The following NPIPB2 variants were observed in gnomAD, a reference collection of about 807,000 sequenced individuals.
The protein encoded by NPIPB2 is nuclear pore complex interacting protein family member B2, also known as nuclear pore complex-interacting protein family member B2.
In NPIPB2, 27 loss-of-function variants were observed where a neutral mutation model predicts 30.8. That is an observed-to-expected ratio of 0.88 (90% CI 0.65 to 1.21). The LOEUF is 1.21. Ranked by LOEUF, NPIPB2 falls within the 50% of genes most tolerant of loss-of-function variation. NPIPB2 has a pLI of 0.00. For synonymous variants in NPIPB2, 147 were observed against 162.0 expected, an observed-to-expected ratio of 0.91 and a Z score of 0.70; for missense variants, 440 against 446.2, an observed-to-expected ratio of 0.99 and a Z score of 0.13.
At chr16:11,939,297 C>T (rs897443062) in intron 1 of NPIPB2, among the ~76,000 whole-genome samples, 12 of 151,880 alleles carry the variant, frequency 7.9e-5, no homozygotes, top group African/African-American at 1.4e-4. Flanking sequence ...CGTGGTGGCT[C>T]ACGCCTGCAA....
chr16:11,946,825 G>A (rs1261489162), upstream of NPIPB2, among the ~76,000 whole-genome samples: 2 of 151,886 alleles, frequency 1.3e-5, no homozygotes, highest in Non-Finnish European at 2.9e-5. Flanking sequence ...TTTACACAAA[G>A]TAACATAAAC....
chr16:11,967,440 T>G, intron 1 of NPIPB2: 1 of 930,226 alleles, frequency 1.1e-6, no homozygotes, highest in Non-Finnish European at 1.6e-6. Flanking sequence ...GGCAACACAG[T>G]AAGACCCCAC....
intron 1 of NPIPB2, among the ~76,000 whole-genome samples, chr16:11,970,770 G>A (rs1351593383): frequency 2.6e-5 from 4 of 151,744 alleles, no homozygotes; most frequent in African/African-American, 4.8e-5. Context: ...TCCTGACCTC[G>A]TGATCTACCT....
At position 11,967,864 on chromosome 16, in the gene NPIPB2, G is replaced by C. The variant is rs376885863; in HGVS notation, c.-584+8704C>G. ...GCTAGGTAATTAACCATTTCGACTCGAGCAGTGCCACTTTAAAAATCTTTT... is the reference window on the plus strand; with the variant it reads ...GCTAGGTAATTAACCATTTCGACTCCAGCAGTGCCACTTTAAAAATCTTTT... On this transcript the variant is annotated intron_variant, in intron 1 of 5. Coordinates refer to the NPIPB2 transcript ENST00000538896. The C allele has an allele frequency of 2.6e-5, 42 of 1,606,814 alleles. No homozygotes were observed. In the Admixed American group the frequency reaches 6.6e-4, roughly 25 times the overall value.
intron 1 of NPIPB2, among the ~76,000 whole-genome samples, chr16:11,953,981 T>A (rs939738690): frequency 1.1e-4 from 17 of 151,950 alleles, no homozygotes; most frequent in African/African-American, 3.6e-4. Context: ...CAGCCTCATA[T>A]CATCTTTTTT....
intron 1 of NPIPB2, chr16:11,967,461 T>C (rs1466634821): frequency 2.5e-6 from 3 of 1,208,756 alleles, no homozygotes; most frequent in African/African-American, 3.0e-5. Flanking sequence ...CTCTAAAAAA[T>C]GAAAAAATCT....
chr16:11,951,706 G>C (rs142919579), intron 1 of NPIPB2, among the ~76,000 whole-genome samples: 1 of 150,024 alleles, frequency 6.7e-6, no homozygotes, highest in Non-Finnish European at 1.5e-5. Flanking sequence ...ATGTCAAAGG[G>C]AAAAGGTTTT....
chr16:11,944,082 A>T (rs1049155220), upstream of NPIPB2, among the ~76,000 whole-genome samples: 1 of 151,842 alleles, frequency 6.6e-6, no homozygotes, highest in South Asian at 2.1e-4. Context: ...TACTCGGTAC[A>T]TTACCACAAA....
At chr16:11,968,820 T>C (rs1275723848) in intron 1 of NPIPB2, 1 of 151,718 alleles carries the variant, frequency 6.6e-6, no homozygotes. Flanking sequence ...CTTGACTTAC[T>C]GAAAAAAACA....
At chr16:11,973,767 A>G (rs2055250445) in intron 1 of NPIPB2, among the ~76,000 whole-genome samples, 1 of 152,022 alleles carries the variant, frequency 6.6e-6, no homozygotes, top group South Asian at 2.1e-4. Flanking sequence ...AAGTGCTGGG[A>G]TTACAGGTGT....
intron 1 of NPIPB2, among the ~76,000 whole-genome samples, chr16:11,947,050 A>ATATATATG (rs2055017882): frequency 7.2e-6 from 1 of 139,076 alleles, no homozygotes; most frequent in Admixed American, 7.2e-5. Flanking sequence ...TTATATATAT[A>ATATATATG]TATATATATG....
intron 1 of NPIPB2, among the ~76,000 whole-genome samples, chr16:11,951,919 G>A (rs986251965): frequency 6.6e-6 from 1 of 152,004 alleles, no homozygotes; most frequent in Non-Finnish European, 1.5e-5. Flanking sequence ...CAGCACTTTG[G>A]GAGGCCGAGG....
At chr16:11,969,749 C>A (rs557691301) in intron 1 of NPIPB2, among the ~76,000 whole-genome samples, 1 of 152,114 alleles carries the variant, frequency 6.6e-6, no homozygotes, top group African/African-American at 2.4e-5. Context: ...TAACGGTGCA[C>A]GACATACTGT....
intron 1 of NPIPB2, among the ~76,000 whole-genome samples, chr16:11,975,398 C>T (rs1050926830): frequency 2.1e-4 from 31 of 151,202 alleles, no homozygotes; most frequent in Non-Finnish European, 2.2e-4. Context: ...CCGCCCGCCT[C>T]GGCCTCCCAA....
At chr16:11,934,069 A>G (rs1379116920) in intron 2 of NPIPB2, 145 bp from the exon 3 acceptor site, 3 of 667,770 alleles carry the variant, frequency 4.5e-6, no homozygotes, top group Non-Finnish European at 7.8e-6. Context: ...CGTCTCTACT[A>G]AAAATACAAA....
upstream of NPIPB2, among the ~76,000 whole-genome samples, chr16:11,946,136 A>G (rs1243759908): frequency 6.6e-6 from 1 of 152,114 alleles, no homozygotes; most frequent in Non-Finnish European, 1.5e-5. Flanking sequence ...CTGTAATCCC[A>G]GCACTTTGGG....
At chr16:11,966,082 G>C in intron 1 of NPIPB2, 1 of 1,160,248 alleles carries the variant, frequency 8.6e-7, no homozygotes, top group Non-Finnish European at 1.2e-6. Context: ...CTGCACTCTA[G>C]CCTGGGCAAC....
chr16:11,957,382 C>T (rs888904980), intron 1 of NPIPB2, among the ~76,000 whole-genome samples: 2 of 152,048 alleles, frequency 1.3e-5, no homozygotes, highest in Non-Finnish European at 2.9e-5. Context: ...CCAGGATGGT[C>T]TCCATCTCCT....
intron 1 of NPIPB2, among the ~76,000 whole-genome samples, chr16:11,940,709 G>A (rs1430119592): frequency 1.5e-5 from 2 of 133,270 alleles, no homozygotes; most frequent in Non-Finnish European, 1.6e-5. Flanking sequence ...GCAGTGAGCC[G>A]AGATCTTGCC....
Sources: gnomAD v4.1 joint callset for allele counts (sites outside exome capture counted in the v4.1 genomes callset) on GRCh38, gnomAD v4.1.1 for gene constraint, MANE v1.5 for transcripts, NCBI Gene and HGNC (gene_info 2026-07-23, HGNC 2026-07-21) for gene names.